Variants in SMARCAL1 observed in about 807,000 individuals in gnomAD.
SMARCAL1 encodes ATP-driven annealing helicase.
Under a neutral mutation model 94.5 loss-of-function variants are expected in SMARCAL1, and 58 were observed. The observed-to-expected ratio is 0.61, with a 90% CI of 0.50 to 0.76. The LOEUF (loss-of-function observed/expected upper bound fraction) is 0.76. SMARCAL1 is among the 30% of genes least tolerant of loss of function. The probability of loss-of-function intolerance (pLI) is 0.00; values close to 1 mark genes in which losing one functional copy is unlikely to be tolerated. For synonymous variants in SMARCAL1, 422 were observed against 455.1 expected, an observed-to-expected ratio of 0.93 and a Z score of 0.93; for missense variants, 1,051 against 1,177.9, an observed-to-expected ratio of 0.89 and a Z score of 1.58.
intron 10 of SMARCAL1, 182 bp from the exon 11 acceptor site, chr2:216,446,835 AG>A (rs1301735394): frequency 4.3e-6 from 3 of 696,560 alleles, no homozygotes; most frequent in Non-Finnish European, 7.8e-6. Context: ...GAGGGCAGGC[AG>A]GGAGGATTTA....
rs187009341 is a variant in SMARCAL1 at position 216,466,427 on chromosome 2, T to C, written c.2142-1517T>C. On this transcript the variant is annotated intron_variant, in intron 13 of 17. Transcript: ENST00000357276. ...TTTAAAAATGCAAACACTGAGTAAA[T>C]CTATGACTCTCTGGACCTCAGAGTC... Among the ~76,000 whole-genome samples the C allele has an allele frequency of 9.8e-5, 15 of 152,308 alleles. No individual in the cohort carries two copies. The East Asian group carries it at 2.9e-3, about 29-fold the overall frequency.
At chr2:216,414,589 G>T in intron 2 of SMARCAL1, 58 bp from the exon 3 acceptor site, 1 of 869,288 alleles carries the variant, frequency 1.2e-6, no homozygotes, top group Non-Finnish European at 1.9e-6. Flanking sequence ...AATCATGGTT[G>T]GAGTATGACA....
In SMARCAL1 at chr2:216,478,312, C is replaced by T. The variant is rs1695131768; in HGVS notation, c.2625+13C>T. The T allele has an allele frequency of 6.3e-7, 1 of 1,585,478 alleles. No individual in the cohort carries two copies. Among genetic ancestry groups the T allele is most frequent in the South Asian group, 1.1e-5 (1 of 90,496 alleles). ...TTACCTCTACAAGGTAATGCCAGCA[C>T]ATGGCTCTTCACCCCTGGAGCAGAG... On this transcript the variant is annotated intron_variant, in intron 17 of 17. Transcript: ENST00000357276.
intron 14 of SMARCAL1, among the ~76,000 whole-genome samples, chr2:216,473,952 A>T (rs944319963): frequency 6.6e-6 from 1 of 152,054 alleles, no homozygotes; most frequent in Non-Finnish European, 1.5e-5. Flanking sequence ...ATGTCCTTCA[A>T]CAGATGGATG....
In SMARCAL1 at chr2:216,414,873, T is replaced by C; in HGVS notation, c.169T>C (p.Phe57Leu). The part of the protein sequence containing the change: ...FQAKQGPSQN[F>L]PRESCKPVSH... ...GGCCAAGCAAGGCCCATCCCAAAATTTCCCAAGGGAGTCTTGTAAGCCAGT... is the reference window on the plus strand; with the variant it reads ...GGCCAAGCAAGGCCCATCCCAAAATCTCCCAAGGGAGTCTTGTAAGCCAGT... Residue 57 changes from phenylalanine (F) to leucine (L), a missense_variant, in exon 3 of 18, where the codon TTC becomes CTC. Phe to Leu is a conservative substitution (Grantham distance 22). Around this residue, in one of 3 missense-constraint regions of SMARCAL1, gnomAD observed 398 missense variants for 395.2 expected, o/e 1.01. Transcript: ENST00000357276. 6.2e-7 allele frequency: 1 copy of C among 1,614,186 alleles called. No individual in the cohort carries two copies. The highest frequency in any genetic ancestry group is 1.1e-5 in the South Asian group (1 of 91,080).
chr2:216,435,994 G>T (rs1278114087), intron 9 of SMARCAL1, among the ~76,000 whole-genome samples: 2 of 152,176 alleles, frequency 1.3e-5, no homozygotes, highest in South Asian at 2.1e-4. Context: ...TTGAGACAGA[G>T]TTTCACTCTT....
At chr2:216,463,582 T>C (rs889807615) in intron 12 of SMARCAL1, among the ~76,000 whole-genome samples, 1 of 152,146 alleles carries the variant, frequency 6.6e-6, no homozygotes, top group Non-Finnish European at 1.5e-5. Context: ...CGATAGTAAA[T>C]GTTATCTCAC....
At chr2:216,460,993 C>G (rs1188075217) in intron 12 of SMARCAL1, among the ~76,000 whole-genome samples, 1 of 149,858 alleles carries the variant, frequency 6.7e-6, no homozygotes, top group Non-Finnish European at 1.5e-5. Flanking sequence ...ACTAAAAAAA[C>G]AAAACCAGAT....
intron 8 of SMARCAL1, among the ~76,000 whole-genome samples, chr2:216,434,850 T>C (rs1291269340): frequency 1.1e-5 from 1 of 95,112 alleles, no homozygotes; most frequent in Non-Finnish European, 2.1e-5. Context: ...CACAACTCTC[T>C]ATTTTTTTTT....
intron 5 of SMARCAL1, among the ~76,000 whole-genome samples, chr2:216,422,610 C>T (rs1429989916): frequency 6.6e-6 from 1 of 152,204 alleles, no homozygotes; most frequent in Non-Finnish European, 1.5e-5. Flanking sequence ...CCTTCTAGTT[C>T]TGCATTTACG....
chr2:216,452,444 A>T (rs540959750), intron 12 of SMARCAL1, among the ~76,000 whole-genome samples: 2 of 152,202 alleles, frequency 1.3e-5, no homozygotes, highest in African/African-American at 4.8e-5. Context: ...AAATTCAGAC[A>T]TGCAATATTT....
intron 11 of SMARCAL1, 148 bp from the exon 12 acceptor site, chr2:216,450,698 G>A (rs1694428876): frequency 1.6e-6 from 1 of 628,626 alleles, no homozygotes; most frequent in Admixed American, 2.8e-5. Flanking sequence ...GTTTTATTGG[G>A]GGTTTATTTG....
intron 8 of SMARCAL1, among the ~76,000 whole-genome samples, 191 bp from the exon 9 acceptor site, chr2:216,435,147 C>T (rs924310618): frequency 6.6e-6 from 1 of 151,888 alleles, no homozygotes; most frequent in Admixed American, 6.6e-5. Context: ...TGTGAGCGAC[C>T]GCACCCGTCT....
Position 216,472,625 on chromosome 2 carries a change from G to GT in SMARCAL1, c.2245-2639dup, listed in dbSNP as rs1694991599. On this transcript the variant is annotated intron_variant, in intron 14 of 17. Transcript: ENST00000357276. ...CCACCTCTGTGACATACAAATAATG[G>GT]TTTTTACATGTAAAGGTATTTCCTA... Among the ~76,000 whole-genome samples, 3 of 149,584 alleles carry GT rather than the reference G, an allele frequency of 2.0e-5. No individual in the cohort carries two copies. The South Asian group carries it at 6.4e-4, about 32-fold the overall frequency.
In SMARCAL1 at chr2:216,475,878, A is replaced by G. The variant is rs1002459985; in HGVS notation, c.2427+427A>G. Among the ~76,000 whole-genome samples the G allele has an allele frequency of 6.6e-6, 1 of 152,010 alleles. No individual in the cohort carries two copies. The highest frequency in any genetic ancestry group is 2.4e-5 in the African/African-American group (1 of 41,388). On this transcript the variant is annotated intron_variant, in intron 15 of 17. Coordinates refer to ENST00000357276, the MANE Select transcript of SMARCAL1 (RefSeq NM_014140.4). The surrounding 1 kb of genome is among the most constrained non-coding windows in gnomAD (Gnocchi z 4.4). ...TCTTCCAGGGCTAGAAGGAATCTTG[A>G]CTTCATGTCTCATAGGAGGAAGTTA...
chr2:216,477,584 A>G (rs933439118), intron 16 of SMARCAL1, among the ~76,000 whole-genome samples: 1 of 152,142 alleles, frequency 6.6e-6, no homozygotes, highest in African/African-American at 2.4e-5. Flanking sequence ...ACCTTTTATG[A>G]TGTGCATTTA....
intron 12 of SMARCAL1, among the ~76,000 whole-genome samples, chr2:216,455,209 G>T (rs1280526504): frequency 6.6e-6 from 1 of 152,208 alleles, no homozygotes; most frequent in African/African-American, 2.4e-5. Context: ...TGGGAAGCTC[G>T]AACTGGGTGG....
chr2:216,429,575 G>A (rs987076965), intron 7 of SMARCAL1, among the ~76,000 whole-genome samples: 4 of 152,200 alleles, frequency 2.6e-5, no homozygotes, highest in Non-Finnish European at 4.4e-5. Context: ...AGTCTTGATA[G>A]TCTGTCTAGA....
intron 3 of SMARCAL1, 173 bp from the exon 4 acceptor site, chr2:216,416,084 G>A (rs990654214): frequency 1.4e-5 from 9 of 638,548 alleles, no homozygotes; most frequent in Non-Finnish European, 2.6e-5. Flanking sequence ...TGGAATAAAA[G>A]AATTATCTAT....
Sources: gnomAD v4.1 joint callset for allele counts (sites outside exome capture counted in the v4.1 genomes callset) on GRCh38, gnomAD v4.1.1 for gene constraint, gnomAD v4.1.1 regional missense constraint, Gnocchi (gnomAD v3.1) non-coding constraint, MANE v1.5 for transcripts, NCBI Gene and HGNC (gene_info 2026-07-23, HGNC 2026-07-21) for gene names.